The following DLC1 variants were observed in gnomAD, a reference collection of about 807,000 sequenced individuals.
The protein encoded by DLC1 is rho GTPase-activating protein 7.
Under a neutral mutation model 140.3 loss-of-function variants are expected in DLC1, and 54 were observed. The observed-to-expected ratio is 0.38, with a 90% CI of 0.31 to 0.48. The LOEUF (loss-of-function observed/expected upper bound fraction) is 0.48, where lower values mean the gene tolerates loss of function less well. DLC1 is among the 20% of genes least tolerant of loss of function. DLC1 has a pLI of 0.96. For synonymous variants in DLC1, 986 were observed against 728.1 expected (o/e 1.35, Z -5.70); for missense variants, 2,536 against 1,907.0 (o/e 1.33, Z -6.14).
At chr8:13,274,893 C>T (rs570843675) in intron 5 of DLC1, among the ~76,000 whole-genome samples, 1 of 152,230 alleles carries the variant, frequency 6.6e-6, no homozygotes, top group East Asian at 1.9e-4. Context: ...AAATTGTCAA[C>T]CAATTATAGT....
intron 15 of DLC1, 106 bp downstream of exon 15, chr8:13,090,146 G>A (rs766643836): frequency 6.8e-5 from 73 of 1,072,636 alleles, no homozygotes; most frequent in Non-Finnish European, 9.2e-5. Context: ...GGGAGGTTGT[G>A]GGCTACAGAT....
intron 4 of DLC1, among the ~76,000 whole-genome samples, chr8:13,381,696 A>T (rs1357834492): frequency 6.6e-6 from 1 of 152,098 alleles, no homozygotes; most frequent in East Asian, 1.9e-4. Context: ...TCAACCCCCA[A>T]CTGCAGCCTC....
intron 4 of DLC1, among the ~76,000 whole-genome samples, chr8:13,306,909 C>T (rs895481175): frequency 6.6e-6 from 1 of 151,540 alleles, no homozygotes; most frequent in African/African-American, 2.4e-5. Context: ...CATGGTGAAA[C>T]CCCGCCTCTA....
At chr8:13,579,315 TTATATATATA>T (rs369773134) in intron 1 of DLC1, among the ~76,000 whole-genome samples, 212 of 10,648 alleles carry the variant, frequency 0.02, 10 homozygotes, top group South Asian at 0.056. Flanking sequence ...AGGTCTGACT[TTATATATATA>T]TATATATATA....
intron 5 of DLC1, among the ~76,000 whole-genome samples, chr8:13,161,034 T>TCGCG (rs1251730678): frequency 6.6e-6 from 1 of 152,166 alleles, no homozygotes; most frequent in Non-Finnish European, 1.5e-5. Context: ...TGAGCCGAGA[T>TCGCG]CGCGCCACTG....
intron 5 of DLC1, among the ~76,000 whole-genome samples, chr8:13,163,488 T>C (rs1483831789): frequency 6.6e-6 from 1 of 152,078 alleles, no homozygotes; most frequent in African/African-American, 2.4e-5. Flanking sequence ...AAAGGATGAA[T>C]TTAGGCAGCT....
At chr8:13,486,179 A>C (rs182331046) in intron 2 of DLC1, among the ~76,000 whole-genome samples, 238 of 152,328 alleles carry the variant, frequency 1.6e-3, no homozygotes, top group Non-Finnish European at 2.6e-3. Context: ...AATGAAATGA[A>C]AATTCATGCC....
rs575069021 is a variant in DLC1 at position 13,400,758 on chromosome 8, C to G, written c.1173+712G>C. ...AGATGAGTTGAAAAGTGATTCATAGCTTAATTATAAGTAAACTCAACCATC... is the reference window on the plus strand; with the variant it reads ...AGATGAGTTGAAAAGTGATTCATAGGTTAATTATAAGTAAACTCAACCATC... On this transcript the variant is annotated intron_variant, in intron 3 of 17. Coordinates refer to ENST00000276297, the MANE Select transcript of DLC1 (RefSeq NM_182643.3). Among the ~76,000 whole-genome samples the G allele has an allele frequency of 1.1e-3, 161 of 152,016 alleles. 1 individual carries two copies. Among genetic ancestry groups the G allele is most frequent in the African/African-American group, 3.4e-3 (141 of 41,474 alleles).
intron 1 of DLC1, among the ~76,000 whole-genome samples, chr8:13,524,471 G>C (rs1302122566): frequency 6.6e-6 from 1 of 152,038 alleles, no homozygotes; most frequent in African/African-American, 2.4e-5. Context: ...TTTTCGCTAT[G>C]TATTTTAAAA....
At chr8:13,221,284 C>T (rs1022046367) in intron 5 of DLC1, among the ~76,000 whole-genome samples, 2 of 152,078 alleles carry the variant, frequency 1.3e-5, no homozygotes, top group African/African-American at 4.8e-5. Context: ...TGGGAAGAGC[C>T]CTCAAAAGCT....
At chr8:13,107,099 C>G (rs1819628811) in intron 7 of DLC1, among the ~76,000 whole-genome samples, 1 of 152,216 alleles carries the variant, frequency 6.6e-6, no homozygotes, top group Non-Finnish European at 1.5e-5. Flanking sequence ...TCCAAGGGAA[C>G]AGACACATGA....
intron 1 of DLC1, among the ~76,000 whole-genome samples, chr8:13,576,934 A>G (rs1197222710): frequency 2.0e-5 from 3 of 152,030 alleles, no homozygotes; most frequent in East Asian, 3.9e-4. Flanking sequence ...TATTAGTAAT[A>G]TCTCTGACTG....
chr8:13,603,565 A>C (rs971022370), intron 1 of DLC1, among the ~76,000 whole-genome samples: 1 of 152,036 alleles, frequency 6.6e-6, no homozygotes, highest in African/African-American at 2.4e-5. Context: ...TGCATGTTAA[A>C]TTTTAATTAC....
chr8:13,290,577 A>T (rs1314999245), intron 5 of DLC1, among the ~76,000 whole-genome samples: 1 of 152,092 alleles, frequency 6.6e-6, no homozygotes, highest in African/African-American at 2.4e-5. Context: ...TTTTTATTAT[A>T]TAGTAGGGGA....
At chr8:13,349,890 G>A (rs1172870238) in intron 4 of DLC1, among the ~76,000 whole-genome samples, 1 of 152,216 alleles carries the variant, frequency 6.6e-6, no homozygotes, top group Non-Finnish European at 1.5e-5. Context: ...GGTGAATGTA[G>A]CCACAGGATG....
intron 10 of DLC1, 29 bp downstream of exon 10, chr8:13,098,370 G>C (rs777891300): frequency 6.2e-7 from 1 of 1,609,228 alleles, no homozygotes; most frequent in Non-Finnish European, 8.5e-7. Flanking sequence ...CATTTTCAAC[G>C]ACAGTTGACT....
At chr8:13,596,348 C>G (rs1805680433) in intron 1 of DLC1, among the ~76,000 whole-genome samples, 1 of 152,056 alleles carries the variant, frequency 6.6e-6, no homozygotes, top group South Asian at 2.1e-4. Flanking sequence ...GGCAGAGCCC[C>G]TCAGTCCTGT....
At chr8:13,088,778 AG>A in intron 15 of DLC1, 74 bp from the exon 16 acceptor site, 13 of 1,300,132 alleles carry the variant, frequency 1.0e-5, no homozygotes, top group Non-Finnish European at 1.4e-5. Flanking sequence ...ATTGTTAGTT[AG>A]ACTAACAATT....
intron 7 of DLC1, among the ~76,000 whole-genome samples, chr8:13,108,022 G>A (rs935667560): frequency 1.3e-5 from 2 of 152,124 alleles, no homozygotes; most frequent in South Asian, 2.1e-4. Flanking sequence ...TCCAGCCTGA[G>A]CGACAGAGTG....
Sources: allele counts gnomAD v4.1 joint callset (sites outside exome capture counted in the v4.1 genomes callset), GRCh38; gene constraint gnomAD v4.1.1; transcripts MANE v1.5; gene names NCBI Gene and HGNC (gene_info 2026-07-23, HGNC 2026-07-21).